Variants in ARHGAP24 observed in about 807,000 individuals in gnomAD.
ARHGAP24 encodes the protein rho GTPase-activating protein 24.
ARHGAP24 carries 50 observed loss-of-function variants against 76.4 expected under a neutral mutation model. The observed-to-expected ratio is 0.65, with a 90% confidence interval of 0.52 to 0.83. ARHGAP24 has a LOEUF of 0.83. Among genes scored for constraint, ARHGAP24 ranks in the 40% least tolerant of loss-of-function variants. ARHGAP24 has a pLI of 0.00. For missense variants in ARHGAP24, 930 were observed against 914.2 expected (o/e 1.02, Z -0.22); for synonymous variants, 345 against 323.3 (o/e 1.07, Z -0.72).
At chr4:85,545,962 A>G (rs1725906089) in intron 1 of ARHGAP24, among the ~76,000 whole-genome samples, 1 of 152,232 alleles carries the variant, frequency 6.6e-6, no homozygotes, top group East Asian at 1.9e-4. Flanking sequence ...GTAGTAGTTA[A>G]GAATATAATC....
At chr4:85,636,212 T>G (rs1485918117) in intron 2 of ARHGAP24, among the ~76,000 whole-genome samples, 1 of 151,874 alleles carries the variant, frequency 6.6e-6, no homozygotes, top group Non-Finnish European at 1.5e-5. Flanking sequence ...CATCTCTCTT[T>G]ATTGCCTTCT....
chr4:85,848,502 AG>A (rs746654251), intron 3 of ARHGAP24, among the ~76,000 whole-genome samples: 10 of 152,196 alleles, frequency 6.6e-5, no homozygotes, highest in Non-Finnish European at 1.5e-4. Flanking sequence ...GTCATTACAA[AG>A]GATATGAACT....
At chr4:85,787,386 G>A (rs191695487) in intron 3 of ARHGAP24, among the ~76,000 whole-genome samples, 90 of 152,268 alleles carry the variant, frequency 5.9e-4, no homozygotes, top group South Asian at 1.7e-3. Context: ...TGCTTCACAT[G>A]ATGGGGACTT....
At chr4:85,515,349 A>G (rs1040746899) in intron 1 of ARHGAP24, among the ~76,000 whole-genome samples, 14 of 148,276 alleles carry the variant, frequency 9.4e-5, no homozygotes, top group African/African-American at 3.2e-4. Flanking sequence ...TCTTCATCCT[A>G]TATCCACTCT....
intron 1 of ARHGAP24, among the ~76,000 whole-genome samples, chr4:85,548,955 T>C (rs1239809448): frequency 6.6e-6 from 1 of 152,116 alleles, no homozygotes; most frequent in Non-Finnish European, 1.5e-5. Flanking sequence ...CTCATTATAA[T>C]GACTGCTGGA....
chr4:85,838,852 T>C (rs1109822), intron 3 of ARHGAP24, among the ~76,000 whole-genome samples: 46,681 of 151,810 alleles, frequency 0.31, 7,448 homozygotes, highest in Middle Eastern at 0.35. Context: ...TTCATTCGCA[T>C]GGAGGGCCCA....
At chr4:85,617,730 A>C (rs990290595) in intron 2 of ARHGAP24, among the ~76,000 whole-genome samples, 3 of 152,200 alleles carry the variant, frequency 2.0e-5, no homozygotes, top group African/African-American at 7.2e-5. Flanking sequence ...AATTCCTGAG[A>C]GTGGAAAATA....
At chr4:85,801,820 T>C (rs747451874) in intron 3 of ARHGAP24, among the ~76,000 whole-genome samples, 2 of 152,252 alleles carry the variant, frequency 1.3e-5, no homozygotes, top group Non-Finnish European at 2.9e-5. Context: ...CCATTATTAA[T>C]GCATCCATGT....
intron 2 of ARHGAP24, among the ~76,000 whole-genome samples, chr4:85,658,961 T>C (rs537212721): frequency 1.3e-5 from 2 of 152,228 alleles, no homozygotes; most frequent in African/African-American, 4.8e-5. Flanking sequence ...TGCTGAGAGA[T>C]TTATGTGGGA....
At chr4:85,954,964 T>C (rs1020688478) in intron 5 of ARHGAP24, among the ~76,000 whole-genome samples, 1 of 152,184 alleles carries the variant, frequency 6.6e-6, no homozygotes, top group Non-Finnish European at 1.5e-5. Context: ...GAGCCGAGAT[T>C]GTGCCATTGC....
At chr4:85,741,828 G>A (rs189550401) in intron 3 of ARHGAP24, among the ~76,000 whole-genome samples, 2 of 152,256 alleles carry the variant, frequency 1.3e-5, no homozygotes, top group East Asian at 3.9e-4. Context: ...ACAGGCACTG[G>A]TACTTTTTTT....
chr4:85,683,834 G>C (rs1024168915), intron 2 of ARHGAP24, among the ~76,000 whole-genome samples: 2 of 152,068 alleles, frequency 1.3e-5, no homozygotes, highest in Non-Finnish European at 2.9e-5. Context: ...TTGATACCTC[G>C]TGTAAGTGGA....
chr4:85,502,336 T>C (rs1230041292), intron 1 of ARHGAP24, among the ~76,000 whole-genome samples: 1 of 152,222 alleles, frequency 6.6e-6, no homozygotes, highest in Non-Finnish European at 1.5e-5. Flanking sequence ...TTCATGATAT[T>C]GATTCTTCCT....
chr4:85,923,678 A>C lies in ARHGAP24; in HGVS notation c.299A>C (p.His100Pro), dbSNP rs769285590. Residue 100 changes from histidine (H) to proline (P), a missense_variant, in exon 4 of 10, where the codon CAT becomes CCT. His to Pro is a moderately conservative substitution (Grantham distance 77). Coordinates refer to ENST00000395184, the MANE Select transcript of ARHGAP24 (RefSeq NM_001025616.3). ...GATCGAGATCGGATGACAGCAAATC[A>C]TGAAAGCTACCTCCTCATGGCAAGC... ...GGDRDRMTANHESYLLMASTQ... is the reference protein window; with the variant it reads ...GGDRDRMTANPESYLLMASTQ... 7.4e-6 allele frequency: 12 copies of C among 1,613,822 alleles called. No homozygotes were observed. In the South Asian group the frequency reaches 1.2e-4, roughly 16 times the overall value.
chr4:85,933,363 A>G (rs1175127156), intron 4 of ARHGAP24, among the ~76,000 whole-genome samples: 1 of 152,184 alleles, frequency 6.6e-6, no homozygotes, highest in African/African-American at 2.4e-5. Flanking sequence ...CTGTCAGGAT[A>G]AAGTGTGGAG....
chr4:85,861,090 A>G (rs1731873289), intron 3 of ARHGAP24, among the ~76,000 whole-genome samples: 1 of 152,026 alleles, frequency 6.6e-6, no homozygotes, highest in Admixed American at 6.6e-5. Context: ...TACATGGTAA[A>G]ACCAGGACAC....
At chr4:85,738,713 TGA>T (rs894276831) in intron 3 of ARHGAP24, among the ~76,000 whole-genome samples, 34 of 152,334 alleles carry the variant, frequency 2.2e-4, no homozygotes, top group African/African-American at 7.7e-4. Context: ...TTATTCACCT[TGA>T]GTTAATTTTT....
intron 4 of ARHGAP24, chr4:85,931,089 T>G: frequency 6.5e-7 from 1 of 1,543,712 alleles, no homozygotes; most frequent in South Asian, 1.2e-5. Context: ...ATAAATAATA[T>G]TATCTTAGGC....
At chr4:85,799,779 C>T (rs1179187890) in intron 3 of ARHGAP24, among the ~76,000 whole-genome samples, 2 of 152,136 alleles carry the variant, frequency 1.3e-5, no homozygotes, top group Non-Finnish European at 2.9e-5. Context: ...GTTAATACTA[C>T]TGGTAATATA....
Sources: gnomAD v4.1 joint callset for allele counts (sites outside exome capture counted in the v4.1 genomes callset) on GRCh38, gnomAD v4.1.1 for gene constraint, MANE v1.5 for transcripts, NCBI Gene and HGNC (gene_info 2026-07-23, HGNC 2026-07-21) for gene names.